Variants in CROCC2 observed in about 807,000 individuals in gnomAD.
The protein encoded by CROCC2 is ciliary rootlet coiled-coil protein 2.
In CROCC2, 163 loss-of-function variants were observed where a neutral mutation model predicts 177.6. That is an observed-to-expected ratio of 0.92 (90% CI 0.81 to 1.05). The LOEUF (loss-of-function observed/expected upper bound fraction) is 1.05. CROCC2 is among the 50% of genes least tolerant of loss of function. CROCC2 has a pLI of 0.00. For synonymous variants in CROCC2, 904 were observed against 787.3 expected, an observed-to-expected ratio of 1.15 and a Z score of -2.48; for missense variants, 1,929 against 1,797.8, an observed-to-expected ratio of 1.07 and a Z score of -1.32.
At chr2:240,991,939 G>A (rs1284619848) in intron 31 of CROCC2, among the ~76,000 whole-genome samples, 3 of 152,198 alleles carry the variant, frequency 2.0e-5, no homozygotes, top group Non-Finnish European at 2.9e-5. Flanking sequence ...AACTGCGGCC[G>A]TCACGGTGGC....
chr2:240,917,307 G>T lies in CROCC2; in HGVS notation c.79-1419G>T, dbSNP rs1440845455. Among the ~76,000 whole-genome samples, 1 of 136,396 alleles carries T rather than the reference G, an allele frequency of 7.3e-6. No homozygotes were observed. The highest frequency in any genetic ancestry group is 3.4e-5 in the African/African-American group (1 of 29,786). 89.5% of individuals were successfully genotyped at this position (136,396 alleles called of 152,430 possible). On this transcript the variant is annotated intron_variant, in intron 1 of 31. Coordinates refer to ENST00000690015, the MANE Select transcript of CROCC2 (RefSeq NM_001351305.2). The surrounding 1 kb of genome is among the most constrained non-coding windows in gnomAD (Gnocchi z 4.9). ...CTCTCCAACCCCGGCGAGGGGGGCC[G>T]CGATCTTTGGGGTGCAGATGGAGGA...
intron 7 of CROCC2, among the ~76,000 whole-genome samples, chr2:240,931,418 T>G (rs1574757016): frequency 6.6e-6 from 1 of 151,584 alleles, no homozygotes; most frequent in African/African-American, 2.4e-5. Context: ...AGAACTGGAG[T>G]TTTCAGGCTT....
Position 240,963,765 on chromosome 2 carries a change from G to A in CROCC2, c.3297G>A (p.Glu1099=), listed in dbSNP as rs2106479153. The A allele has an allele frequency of 6.5e-7, 1 of 1,549,132 alleles. No individual in the cohort carries two copies. Among genetic ancestry groups the A allele is most frequent in the East Asian group, 2.4e-5 (1 of 40,892 alleles). Residue 1099 remains glutamate, a synonymous_variant, in exon 21 of 32, where the codon GAG becomes GAA. Transcript: ENST00000690015. Reference sequence around the variant, plus strand: ...CCACCATCTGCAGGGCCGAACAGGAGAAGGCCAGGTATGGCGGCCACCCAG... The same window carrying A: ...CCACCATCTGCAGGGCCGAACAGGAAAAGGCCAGGTATGGCGGCCACCCAG... ...LRATICRAEQ[E]KASFKRSKEE...
chr2:240,936,468 C>T (rs956196598), intron 14 of CROCC2, among the ~76,000 whole-genome samples: 2 of 152,226 alleles, frequency 1.3e-5, no homozygotes, highest in African/African-American at 4.8e-5. Context: ...CAGCTTCTCT[C>T]TCTCAGCATC....
chr2:240,950,245 A>C (rs1011535810), intron 17 of CROCC2, 89 bp from the exon 18 acceptor site: 1 of 1,345,980 alleles, frequency 7.4e-7, no homozygotes, highest in Non-Finnish European at 1.0e-6. Context: ...CAGCCCTGGC[A>C]TCCCACGGGC....
In CROCC2 at chr2:240,953,420, C is replaced by CAAA. The variant is rs5839784; in HGVS notation, c.2830-2430_2830-2428dup. ...TGGGTGACAGAGTGAGACTCTGTCT[C>CAAA]AAAAAAAAAAACAGGAGCACAGGCT... On this transcript the variant is annotated intron_variant, in intron 18 of 31. Coordinates refer to ENST00000690015, the MANE Select transcript of CROCC2 (RefSeq NM_001351305.2). This position sits in a 1 kb window ranked among gnomAD's most constrained non-coding sequence, Gnocchi z 4.0. Among the ~76,000 whole-genome samples, 2 of 146,566 alleles carry CAAA rather than the reference C, an allele frequency of 1.4e-5. No individual in the cohort carries two copies. Among genetic ancestry groups the CAAA allele is most frequent in the African/African-American group, 5.0e-5 (2 of 39,932 alleles).
intron 22 of CROCC2, 126 bp from the exon 23 acceptor site, chr2:240,965,254 GC>G: frequency 7.2e-7 from 1 of 1,391,110 alleles, no homozygotes; most frequent in Non-Finnish European, 9.7e-7. Flanking sequence ...GGGCACCTTA[GC>G]CCAAGCCTCC....
chr2:240,925,847 C>G lies in CROCC2; in HGVS notation c.612C>G (p.Gly204=). 1.4e-6 allele frequency: 1 copy of G among 715,304 alleles called. No individual in the cohort carries two copies. The highest frequency in any genetic ancestry group is 2.0e-5 in the Admixed American group (1 of 49,908). 44.3% of individuals were successfully genotyped at this position (715,304 alleles called of 1,614,324 possible). ...GMTGSVQRLQ[G]ELELRRWAQR... is the part of the protein sequence containing the mutation. ...CGGGCAGCGTGCAGCGCCTGCAGGG[C>G]GAGCTGGAGCTGAGGCGCTGGGCCC... The change falls in exon 5 of 32, where the codon GGC becomes GGG. Residue 204 remains glycine, a synonymous_variant. Coordinates refer to ENST00000690015, the MANE Select transcript of CROCC2 (RefSeq NM_001351305.2).
chr2:240,964,711 T>C, intron 22 of CROCC2, 86 bp downstream of exon 22: 1 of 1,434,440 alleles, frequency 7.0e-7, no homozygotes, highest in Non-Finnish European at 9.3e-7. Flanking sequence ...CCCCCAGCCC[T>C]GGCCTTGCTG....
intron 14 of CROCC2, among the ~76,000 whole-genome samples, chr2:240,944,895 C>T (rs1020377443): frequency 6.6e-6 from 1 of 152,024 alleles, no homozygotes; most frequent in Non-Finnish European, 1.5e-5. Context: ...CTTGATGATG[C>T]GATTCTTCTT....
chr2:240,927,721 G>A (rs1040183227), intron 5 of CROCC2, among the ~76,000 whole-genome samples: 1 of 152,214 alleles, frequency 6.6e-6, no homozygotes, highest in Non-Finnish European at 1.5e-5. Flanking sequence ...CACAATCTCA[G>A]CTCACTGCAA....
intron 15 of CROCC2, among the ~76,000 whole-genome samples, chr2:240,946,727 A>G (rs1417366061): frequency 1.3e-5 from 2 of 152,200 alleles, no homozygotes; most frequent in East Asian, 1.9e-4. Flanking sequence ...TCCCCCTTCC[A>G]GCAGATGCAG....
At chr2:240,988,613 A>C in intron 28 of CROCC2, 126 bp from the exon 29 acceptor site, 1 of 1,020,632 alleles carries the variant, frequency 9.8e-7, no homozygotes, top group Non-Finnish European at 1.3e-6. Context: ...GCCCTTCCTG[A>C]CGCTGCCAGC....
rs748304112 is a variant in CROCC2 at position 240,953,300 on chromosome 2, C to A, written c.2830-2559C>A. Among the ~76,000 whole-genome samples the A allele has an allele frequency of 6.6e-6, 1 of 151,686 alleles. No homozygotes were observed. Among genetic ancestry groups the A allele is most frequent in the African/African-American group, 2.4e-5 (1 of 41,292 alleles). On this transcript the variant is annotated intron_variant, in intron 18 of 31. Coordinates refer to ENST00000690015, the MANE Select transcript of CROCC2 (RefSeq NM_001351305.2). This position sits in a 1 kb window ranked among gnomAD's most constrained non-coding sequence, Gnocchi z 4.0. ...TGTGGTGGTGGGTGCCTGTAATCCCCGCTACTCAGGAGGCTGAGGCAGGAG... is the reference window on the plus strand; with the variant it reads ...TGTGGTGGTGGGTGCCTGTAATCCCAGCTACTCAGGAGGCTGAGGCAGGAG...
rs73107820 is a variant in CROCC2 at position 240,947,084 on chromosome 2, G to C, written c.2363+831G>C. Among the ~76,000 whole-genome samples the C allele has an allele frequency of 9.4e-3, 1,432 of 152,386 alleles. 13 individuals carry two copies. The highest frequency in any genetic ancestry group is 0.032 in the African/African-American group (1,350 of 41,592). ...TTCTGTGCCTTATAGGCCCTGCTTA[G>C]GGCCCTGCTCAGGCACTGCTAAGCA... is the stretch of plus-strand genomic sequence containing the variant. On this transcript the variant is annotated intron_variant, in intron 15 of 31. Transcript: ENST00000690015.
At chr2:240,913,970 A>T (rs2106450318) in intron 1 of CROCC2, among the ~76,000 whole-genome samples, 1 of 152,374 alleles carries the variant, frequency 6.6e-6, no homozygotes, top group Non-Finnish European at 1.5e-5. Flanking sequence ...GCAAGGCCAG[A>T]CTTCCCCGCC....
rs1303690037 is a variant in CROCC2, at chr2:240,933,672, A to G, written c.1466A>G (p.Glu489Gly). The change falls in exon 11 of 32, where the codon GAG becomes GGG. Residue 489 changes from glutamate (E) to glycine (G), a missense_variant and splice_region_variant. Glu to Gly is a moderately conservative substitution (Grantham distance 98). This residue lies in a region of CROCC2 where 1,397 missense variants were observed against 1,239.9 expected (regional missense o/e 1.13). Coordinates refer to ENST00000690015, the MANE Select transcript of CROCC2 (RefSeq NM_001351305.2). ...CRASCKLLGR[E>G]KAALEMVVEE... ...AACTCTGCCCCCACCATCCCCAGGG[A>G]GAAGGCTGCTCTGGAGATGGTGGTG... The G allele has an allele frequency of 6.5e-7, 1 of 1,550,040 alleles. No homozygotes were observed. The highest frequency in any genetic ancestry group is 8.7e-7 in the Non-Finnish European group (1 of 1,146,664).
chr2:240,931,000 C>G lies in CROCC2; in HGVS notation c.819C>G (p.Leu273=). 1 of 716,206 alleles carries G rather than the reference C, an allele frequency of 1.4e-6. No homozygotes were observed. The highest frequency in any genetic ancestry group is 1.5e-5 in the South Asian group (1 of 67,576). 44.4% of individuals were successfully genotyped at this position (716,206 alleles called of 1,614,324 possible). ...GCCTGCACACCGCCTGCCTGAACCT[C>G]GACTCCAACCTGCGGCTGTCGGCCA... ...ARRLHTACLN[L]DSNLRLSASS... Residue 273 remains leucine (L), a synonymous_variant, in exon 7 of 32, where the codon CTC becomes CTG. Transcript: ENST00000690015.
At chr2:240,914,124 G>C (rs1484858691) in intron 1 of CROCC2, among the ~76,000 whole-genome samples, 1 of 152,210 alleles carries the variant, frequency 6.6e-6, no homozygotes, top group East Asian at 1.9e-4. Flanking sequence ...CTGGGAAGGG[G>C]GCACACAGGG....
Sources: allele counts gnomAD v4.1 joint callset (sites outside exome capture counted in the v4.1 genomes callset), GRCh38; gene constraint gnomAD v4.1.1; regional missense constraint gnomAD v4.1.1; non-coding constraint Gnocchi (gnomAD v3.1); transcripts MANE v1.5; gene names NCBI Gene and HGNC (gene_info 2026-07-23, HGNC 2026-07-21).